KMT5A: variants seen among roughly 807,000 people sequenced by gnomAD.
KMT5A encodes the protein lysine methyltransferase 5A, also known as N-lysine methyltransferase KMT5A.
In KMT5A, 6 loss-of-function variants were observed where a neutral mutation model predicts 40.6. The observed-to-expected ratio is 0.15, with a 90% CI of 0.08 to 0.29. The LOEUF (loss-of-function observed/expected upper bound fraction) is 0.29, where lower values mean the gene tolerates loss of function less well. Ranked by LOEUF, KMT5A falls within the 10% of genes least tolerant of loss-of-function variation. KMT5A has a pLI of 1.00. For missense variants in KMT5A, 308 were observed against 459.1 expected (o/e 0.67, Z 3.01); for synonymous variants, 153 against 178.8 (o/e 0.86, Z 1.15).
At chr12:123,389,232 T>G (rs1306174226) in intron 1 of KMT5A, 2 of 133,850 alleles carry the variant, frequency 1.5e-5, no homozygotes, top group Non-Finnish European at 3.1e-5. Context: ...GCGCGGGGCC[T>G]GGCCGGGCCG....
At chr12:123,389,687 G>A in intron 2 of KMT5A, 133 bp downstream of exon 2, 1 of 602,092 alleles carries the variant, frequency 1.7e-6, no homozygotes, top group Non-Finnish European at 2.1e-6. Flanking sequence ...GCTGGGAGTG[G>A]CGCCCACACG....
rs1367480638 is a variant in KMT5A at position 123,390,758 on chromosome 12, A to G, written c.261A>G (p.Pro87=). ...THHEVKCQGK[P]LAGIYRKREE... is the part of the protein sequence containing the mutation. ...ACGAAGTCAAATGCCAGGGGAAACC[A>G]TTAGCCGGAATCTACAGGAAACGAG... Residue 87 remains proline (P), a synonymous_variant, in exon 3 of 8, where the codon CCA becomes CCG. Transcript: ENST00000402868. 6.2e-7 allele frequency: 1 copy of G among 1,613,980 alleles called. No homozygotes were observed. The highest frequency in any genetic ancestry group is 1.7e-5 in the Admixed American group (1 of 60,012).
intron 5 of KMT5A, among the ~76,000 whole-genome samples, chr12:123,397,840 A>AT (rs63533060): frequency 7.4e-5 from 11 of 148,260 alleles, no homozygotes; most frequent in South Asian, 2.1e-4. Flanking sequence ...CTAATTTTGT[A>AT]TTTTTTTTTT....
Position 123,407,716 on chromosome 12 carries a change from G to C in KMT5A, c.*13G>C. On this transcript the variant is annotated 3_prime_UTR_variant, in exon 8 of 8. Transcript: ENST00000402868. ...GCTGAAGCATTAACCGGTGGGCCCC[G>C]TGCCCTCCCCGCCCCACTTTCCCTT... 5.6e-6 allele frequency: 9 copies of C among 1,603,370 alleles called. No individual in the cohort carries two copies. Among genetic ancestry groups the C allele is most frequent in the Non-Finnish European group, 7.7e-6 (9 of 1,174,056 alleles).
At chr12:123,390,238 G>C (rs1877196749) in intron 2 of KMT5A, 39 of 437,960 alleles carry the variant, frequency 8.9e-5, no homozygotes, top group South Asian at 6.3e-4. Context: ...GGTTCCCCGG[G>C]GCGTGTTTCT....
Position 123,395,186 on chromosome 12 carries a change from A to G in KMT5A, c.429A>G (p.Ser143=). 1 of 1,613,260 alleles carries G rather than the reference A, an allele frequency of 6.2e-7. No homozygotes were observed. Among genetic ancestry groups the G allele is most frequent in the Non-Finnish European group, 8.5e-7 (1 of 1,179,706 alleles). Residue 143 remains serine (S), a synonymous_variant, in exon 4 of 8, where the codon TCA becomes TCG. Transcript: ENST00000402868. ...EAAEPPKTPP[S]SCDSTNAAIA... ...CAGAACCTCCAAAAACTCCACCCTC[A>G]TCTTGTGATTCCACCAATGCAGCCA...
rs531956426 is a variant in KMT5A, at chr12:123,405,154, C to G, written c.848+80C>G. The G allele has an allele frequency of 3.9e-5, 53 of 1,349,294 alleles. No homozygotes were observed. The East Asian group carries it at 1.2e-3, about 32-fold the overall frequency. The allele number at this position is 1,349,294 out of a possible 1,614,324, so 83.6% of individuals were successfully genotyped here. On this transcript the variant is annotated intron_variant, in intron 7 of 7. Transcript: ENST00000402868. Reference sequence around the variant, plus strand: ...GCCAAAGGGCCAGGAACTCCTGATTCTGTTTGGTGGCCAGTCTTTTGGTTT... The same window carrying G: ...GCCAAAGGGCCAGGAACTCCTGATTGTGTTTGGTGGCCAGTCTTTTGGTTT...
At chr12:123,387,943 G>A (rs1029814804) in intron 1 of KMT5A, among the ~76,000 whole-genome samples, 1 of 152,218 alleles carries the variant, frequency 6.6e-6, no homozygotes, top group Non-Finnish European at 1.5e-5. Context: ...CCAGGCCATG[G>A]GCCAGGCTGC....
rs1878410798 is a variant in KMT5A, at chr12:123,404,749, A to T, written c.658-135A>T. 1.6e-5 allele frequency: 13 copies of T among 811,764 alleles called. No individual in the cohort carries two copies. In the South Asian group the frequency reaches 2.5e-4, roughly 15 times the overall value. The allele number at this position is 811,764 out of a possible 1,614,324, so 50.3% of individuals were successfully genotyped here. A position where few individuals can be genotyped will look rare whatever the true frequency, so the allele number is the denominator to read the frequency against. ...ATAAAACCCATCAGCCTGTACATGT[A>T]AAGTGAGTGAATTTTATGACATGGC... is the stretch of plus-strand genomic sequence containing the variant. On this transcript the variant is annotated intron_variant, in intron 6 of 7. Coordinates refer to ENST00000402868, the MANE Select transcript of KMT5A (RefSeq NM_020382.7).
rs16917496 is a variant in KMT5A at position 123,409,283 on chromosome 12, C to T, written c.*1580C>T. 0.55 allele frequency: 84,486 copies of T among 152,496 alleles called. 27,183 individuals are homozygous for T. The highest frequency in any genetic ancestry group is 0.71 in the Non-Finnish European group (48,581 of 67,994). 9.4% of individuals were successfully genotyped at this position (152,496 alleles called of 1,614,324 possible). A position where few individuals can be genotyped will look rare whatever the true frequency, so the allele number is the denominator to read the frequency against. ...TTTGTGGTTTAGCTTTGTATTTAAA[C>T]AAGGAAATAAACTTGAAAATTATTT... On this transcript the variant is annotated 3_prime_UTR_variant, in exon 8 of 8. Transcript: ENST00000402868.
In KMT5A at chr12:123,395,027, T is replaced by TC; in HGVS notation, c.290-15dup. 6.5e-7 allele frequency: 1 copy of TC among 1,548,614 alleles called. No homozygotes were observed. Among genetic ancestry groups the TC allele is most frequent in the South Asian group, 1.2e-5 (1 of 84,120 alleles). On this transcript the variant is annotated intron_variant, in intron 3 of 7. Coordinates refer to ENST00000402868, the MANE Select transcript of KMT5A (RefSeq NM_020382.7). ...AGACAGTACAGAATAAACCCGTCTT[T>TC]CCCCCACCTCCGCCTGCAGAGAAAA...
At chr12:123,400,336 A>G (rs1878055936) in intron 5 of KMT5A, among the ~76,000 whole-genome samples, 2 of 149,014 alleles carry the variant, frequency 1.3e-5, no homozygotes, top group Admixed American at 6.9e-5. Context: ...TGCCCAGCCA[A>G]AAAGTTTTTA....
At chr12:123,400,429 C>T (rs1878065249) in intron 5 of KMT5A, among the ~76,000 whole-genome samples, 1 of 148,140 alleles carries the variant, frequency 6.8e-6, no homozygotes, top group Non-Finnish European at 1.5e-5. Flanking sequence ...TGTGCGATCT[C>T]GGCTCACTGC....
chr12:123,392,333 T>A (rs2139168921), intron 3 of KMT5A, among the ~76,000 whole-genome samples: 1 of 152,292 alleles, frequency 6.6e-6, no homozygotes, highest in Middle Eastern at 3.4e-3. Flanking sequence ...TATATTTGGC[T>A]CATGGTTTTA....
chr12:123,402,854 A>C (rs994834878), intron 5 of KMT5A, among the ~76,000 whole-genome samples: 1 of 152,170 alleles, frequency 6.6e-6, no homozygotes, highest in African/African-American at 2.4e-5. Context: ...GACCAGAGCC[A>C]TGTGGACTGC....
At chr12:123,399,514 C>G (rs909989392) in intron 5 of KMT5A, among the ~76,000 whole-genome samples, 5 of 152,236 alleles carry the variant, frequency 3.3e-5, no homozygotes, top group Non-Finnish European at 5.9e-5. Context: ...TCCATGATCA[C>G]TCCCGTTTAC....
At position 123,395,032 on chromosome 12, in the gene KMT5A, C is replaced by G; in HGVS notation, c.290-15C>G. ...GTACAGAATAAACCCGTCTTTCCCC[C>G]ACCTCCGCCTGCAGAGAAAAGAAAT... On this transcript the variant is annotated splice_polypyrimidine_tract_variant and intron_variant, in intron 3 of 7. Coordinates refer to ENST00000402868, the MANE Select transcript of KMT5A (RefSeq NM_020382.7). 12 of 1,551,450 alleles carry G rather than the reference C, an allele frequency of 7.7e-6. No homozygotes were observed. Among genetic ancestry groups the G allele is most frequent in the Non-Finnish European group, 9.6e-6 (11 of 1,146,020 alleles).
At position 123,407,829 on chromosome 12, in the gene KMT5A, G is replaced by C. The variant is rs1878672211; in HGVS notation, c.*126G>C. ...GGATTACTTCAGATGTTTTTAAAAA[G>C]TATATTAAGATGCCTTTTCACTGTA... On this transcript the variant is annotated 3_prime_UTR_variant, in exon 8 of 8. Transcript: ENST00000402868. The C allele has an allele frequency of 1.5e-6, 1 of 657,172 alleles. No homozygotes were observed. The highest frequency in any genetic ancestry group is 2.6e-6 in the Non-Finnish European group (1 of 379,720). 40.7% of individuals were successfully genotyped at this position (657,172 alleles called of 1,614,324 possible).
chr12:123,393,499 C>T (rs1877461566), intron 3 of KMT5A, among the ~76,000 whole-genome samples: 1 of 152,164 alleles, frequency 6.6e-6, no homozygotes, highest in African/African-American at 2.4e-5. Context: ...AGCATCATGT[C>T]TTCAAGGTTC....
Sources: gnomAD v4.1 joint callset for allele counts (sites outside exome capture counted in the v4.1 genomes callset) on GRCh38, gnomAD v4.1.1 for gene constraint, MANE v1.5 for transcripts, NCBI Gene and HGNC (gene_info 2026-07-23, HGNC 2026-07-21) for gene names.